PAICS: variants seen among roughly 807,000 people sequenced by gnomAD.
PAICS encodes phosphoribosylaminoimidazole carboxylase and phosphoribosylaminoimidazolesuccinocarboxamide synthase, also known as bifunctional phosphoribosylaminoimidazole carboxylase/phosphoribosylaminoimidazole succinocarboxamide synthetase.
A neutral mutation model predicts 53.7 loss-of-function variants in PAICS; 33 were observed. The observed-to-expected ratio is 0.61, with a 90% CI of 0.47 to 0.82. The LOEUF (loss-of-function observed/expected upper bound fraction) is 0.82. Ranked by LOEUF, PAICS falls within the 40% of genes least tolerant of loss-of-function variation. PAICS has a pLI of 0.00. For synonymous variants in PAICS, 141 were observed against 167.2 expected, an observed-to-expected ratio of 0.84 and a Z score of 1.21; for missense variants, 394 against 494.1, an observed-to-expected ratio of 0.80 and a Z score of 1.92.
upstream of PAICS, chr4:56,436,225 C>T (rs1717938042): frequency 6.5e-7 from 1 of 1,538,716 alleles, no homozygotes; most frequent in Non-Finnish European, 8.8e-7. Flanking sequence ...CCTCCTTCCC[C>T]GCCCAGCGAA....
At position 56,451,853 on chromosome 4, in the gene PAICS, C is replaced by G. The variant is rs1578157032; in HGVS notation, c.772-19C>G. ...TTTTGTTTTTATGTTCTTTTCATAT[C>G]CACGTATTTTTTCTTCAGTTGCTTT... is the stretch of plus-strand genomic sequence containing the variant. On this transcript the variant is annotated intron_variant, in intron 6 of 8. Transcript: ENST00000512576. 6.7e-7 allele frequency: 1 copy of G among 1,487,422 alleles called. No homozygotes were observed. Among genetic ancestry groups the G allele is most frequent in the Non-Finnish European group, 9.0e-7 (1 of 1,109,260 alleles). 92.1% of individuals were successfully genotyped at this position (1,487,422 alleles called of 1,614,324 possible).
At chr4:56,414,895 A>G in the PAICS span, among the ~76,000 whole-genome samples, 1 of 152,244 alleles carries the variant, frequency 6.6e-6, no homozygotes, top group African/African-American at 2.4e-5. Context: ...TTTAGCCTAA[A>G]GCAATTATAA....
Position 56,463,736 on chromosome 4 carries a change from G to GT in PAICS, c.*4198_*4199insT, listed in dbSNP as rs1719592113. ...AGATACTGTACATGGAAGCTTCTCA[G>GT]GCTAAATCCATTAATATAAAAATAC... On this transcript the variant is annotated 3_prime_UTR_variant, in exon 9 of 9. Coordinates refer to ENST00000512576, the MANE Select transcript of PAICS (RefSeq NM_001079524.2). 1.3e-5 allele frequency: 2 copies of GT among 151,184 alleles called. No homozygotes were observed. Among genetic ancestry groups the GT allele is most frequent in the Non-Finnish European group, 2.9e-5 (2 of 67,908 alleles). 9.4% of individuals were successfully genotyped at this position (151,184 alleles called of 1,614,324 possible).
chr4:56,436,203 C>A, upstream of PAICS: 2 of 1,526,592 alleles, frequency 1.3e-6, no homozygotes, highest in Non-Finnish European at 1.8e-6. Context: ...GGCGCAGGGT[C>A]GCGCGGCCCC....
the PAICS span, among the ~76,000 whole-genome samples, chr4:56,426,587 G>A: frequency 6.6e-6 from 1 of 152,036 alleles, no homozygotes; most frequent in Non-Finnish European, 1.5e-5. Flanking sequence ...CATCCACGTT[G>A]TAGCATATAT....
At chr4:56,441,098 A>G (rs1718314380) in intron 1 of PAICS, among the ~76,000 whole-genome samples, 1 of 152,178 alleles carries the variant, frequency 6.6e-6, no homozygotes, top group African/African-American at 2.4e-5. Flanking sequence ...CTTCAATGGG[A>G]TGGCATGCCT....
the PAICS span, chr4:56,420,685 C>T: frequency 6.6e-6 from 1 of 152,046 alleles, no homozygotes; most frequent in African/African-American, 2.4e-5. Context: ...AATTTTCATA[C>T]TAATTGTGGT....
At chr4:56,457,671 T>TTG (rs1404953093) in intron 8 of PAICS, among the ~76,000 whole-genome samples, 1 of 151,108 alleles carries the variant, frequency 6.6e-6, no homozygotes, top group East Asian at 1.9e-4. Flanking sequence ...AGTTTTTTTT[T>TTG]TTTTTTTTTT....
At chr4:56,429,197 T>C in the PAICS span, among the ~76,000 whole-genome samples, 1 of 152,152 alleles carries the variant, frequency 6.6e-6, no homozygotes, top group Non-Finnish European at 1.5e-5. Context: ...CTGCAGGAGC[T>C]AGAGTTTATA....
chr4:56,441,114 T>G (rs1423477303), intron 1 of PAICS, among the ~76,000 whole-genome samples: 1 of 152,148 alleles, frequency 6.6e-6, no homozygotes, highest in East Asian at 1.9e-4. Context: ...TGCCTCCTCT[T>G]GAATATTAAC....
At chr4:56,424,165 C>G in the PAICS span, among the ~76,000 whole-genome samples, 2 of 152,166 alleles carry the variant, frequency 1.3e-5, no homozygotes, top group Admixed American at 6.5e-5. Flanking sequence ...AACCAGTCCC[C>G]CAAAAGTATT....
At chr4:56,428,979 G>A in the PAICS span, 1 of 979,676 alleles carries the variant, frequency 1.0e-6, no homozygotes, top group Non-Finnish European at 1.2e-6. Context: ...GGAACTTTGA[G>A]CTTCAAGAGA....
At position 56,449,058 on chromosome 4, in the gene PAICS, A is replaced by G. The variant is rs375531523; in HGVS notation, c.687+235A>G. On this transcript the variant is annotated intron_variant, in intron 5 of 8. Coordinates refer to ENST00000512576, the MANE Select transcript of PAICS (RefSeq NM_001079524.2). ...CTGTTATCTTAATAACATTGTCACA[A>G]CAGTAACAGCAAGTATTATCTTTGT... 1.9e-4 allele frequency among the ~76,000 whole-genome samples: 29 copies of G among 152,308 alleles called. No homozygotes were observed. In the South Asian group the frequency reaches 5.8e-3, roughly 30 times the overall value.
At position 56,460,545 on chromosome 4, in the gene PAICS, T is replaced by C. The variant is rs1319793118; in HGVS notation, c.*1007T>C. 1 of 152,254 alleles carries C rather than the reference T, an allele frequency of 6.6e-6. No individual in the cohort carries two copies. Among genetic ancestry groups the C allele is most frequent in the Non-Finnish European group, 1.5e-5 (1 of 68,070 alleles). 9.4% of individuals were successfully genotyped at this position (152,254 alleles called of 1,614,324 possible). A position where few individuals can be genotyped will look rare whatever the true frequency, so the allele number is the denominator to read the frequency against. On this transcript the variant is annotated 3_prime_UTR_variant, in exon 9 of 9. Coordinates refer to ENST00000512576, the MANE Select transcript of PAICS (RefSeq NM_001079524.2). Reference sequence around the variant, plus strand: ...GGACTTCTAACAATAAACTCTCTTTTGCACCACAGACTTCTTTGAAAATAT... The same window carrying C: ...GGACTTCTAACAATAAACTCTCTTTCGCACCACAGACTTCTTTGAAAATAT...
At chr4:56,458,530 ATAAAT>A (rs1719342122) in intron 8 of PAICS, among the ~76,000 whole-genome samples, 1 of 152,216 alleles carries the variant, frequency 6.6e-6, no homozygotes, top group Non-Finnish European at 1.5e-5. Flanking sequence ...GAAGAGGAGA[ATAAAT>A]TAACGTGAAG....
upstream of PAICS, chr4:56,435,707 T>C: frequency 6.8e-7 from 1 of 1,465,748 alleles, no homozygotes; most frequent in South Asian, 1.4e-5. Flanking sequence ...GGAGGGGCGG[T>C]CCCGCGGCTG....
At chr4:56,432,994 A>G (rs1481674220), upstream of PAICS, among the ~76,000 whole-genome samples, 2 of 144,186 alleles carry the variant, frequency 1.4e-5, no homozygotes, top group African/African-American at 2.6e-5. Context: ...ACACACACGT[A>G]TTTTATATAT....
At chr4:56,420,557 T>C in the PAICS span, 12 of 152,114 alleles carry the variant, frequency 7.9e-5, no homozygotes, top group Non-Finnish European at 1.5e-5. Context: ...TTCCCCAGAA[T>C]AGAAACAGTA....
the PAICS span, among the ~76,000 whole-genome samples, chr4:56,415,614 A>G: frequency 6.6e-6 from 1 of 152,232 alleles, no homozygotes; most frequent in African/African-American, 2.4e-5. Context: ...AATAAATTAT[A>G]TAAGATACTT....
Sources: gnomAD v4.1 joint callset for allele counts (sites outside exome capture counted in the v4.1 genomes callset) on GRCh38, gnomAD v4.1.1 for gene constraint, MANE v1.5 for transcripts, NCBI Gene and HGNC (gene_info 2026-07-23, HGNC 2026-07-21) for gene names.